The following ZNF385D variants were observed in gnomAD, a reference collection of about 807,000 sequenced individuals.
ZNF385D encodes the protein zinc finger protein 385D, also known as zinc finger protein 659.
In ZNF385D, 15 loss-of-function variants were observed where a neutral mutation model predicts 35.8. The observed-to-expected ratio is 0.42, with a 90% CI of 0.28 to 0.64. The LOEUF (loss-of-function observed/expected upper bound fraction) is 0.64. ZNF385D is among the 30% of genes least tolerant of loss of function. The probability of loss-of-function intolerance (pLI) is 0.23; values close to 1 mark genes in which losing one functional copy is unlikely to be tolerated. For synonymous variants in ZNF385D, 212 were observed against 186.8 expected (o/e 1.13, Z -1.10); for missense variants, 474 against 494.6 (o/e 0.96, Z 0.39).
chr3:22,306,656 A>C lies in ZNF385D; in HGVS notation c.106+65794T>G, dbSNP rs142721807. Reference sequence around the variant, plus strand: ...TTTGAATGAGAGGGAAATACTCGCTATGTTTCTTCTTCTGATATGGCTGCA... The same window carrying C: ...TTTGAATGAGAGGGAAATACTCGCTCTGTTTCTTCTTCTGATATGGCTGCA... On this transcript the variant is annotated intron_variant, in intron 2 of 5. Coordinates refer to the ZNF385D transcript ENST00000494108. 1.8e-3 allele frequency among the ~76,000 whole-genome samples: 275 copies of C among 152,198 alleles called. 1 individual carries two copies. Among genetic ancestry groups the C allele is most frequent in the African/African-American group, 5.5e-3 (227 of 41,544 alleles).
At chr3:22,181,550 T>C (rs1251319734) in intron 2 of ZNF385D, among the ~76,000 whole-genome samples, 1 of 151,896 alleles carries the variant, frequency 6.6e-6, no homozygotes, top group Non-Finnish European at 1.5e-5. Flanking sequence ...CACACAAAAT[T>C]AGCCGGTCGC....
At chr3:21,618,404 G>A (rs2064909612) in intron 2 of ZNF385D, among the ~76,000 whole-genome samples, 1 of 152,208 alleles carries the variant, frequency 6.6e-6, no homozygotes, top group Non-Finnish European at 1.5e-5. Flanking sequence ...AAAGCCTTCA[G>A]AAGGAGCCAG....
chr3:21,515,345 T>C (rs947283761), intron 3 of ZNF385D, among the ~76,000 whole-genome samples: 3 of 152,238 alleles, frequency 2.0e-5, no homozygotes, highest in East Asian at 3.8e-4. Flanking sequence ...ACATGTCTTA[T>C]GCTTTTTAAA....
At chr3:21,729,344 G>A (rs2068895876) in intron 1 of ZNF385D, among the ~76,000 whole-genome samples, 1 of 151,972 alleles carries the variant, frequency 6.6e-6, no homozygotes, top group Non-Finnish European at 1.5e-5. Flanking sequence ...TGGCTAAAAG[G>A]CCCTCATTCA....
At chr3:22,073,622 G>C (rs1224142706) in intron 3 of ZNF385D, among the ~76,000 whole-genome samples, 10 of 151,770 alleles carry the variant, frequency 6.6e-5, no homozygotes, top group Non-Finnish European at 1.5e-5. Flanking sequence ...AATAATTTAG[G>C]CTTTTTATTT....
At chr3:22,311,819 A>G (rs1703568629) in intron 2 of ZNF385D, among the ~76,000 whole-genome samples, 1 of 152,116 alleles carries the variant, frequency 6.6e-6, no homozygotes, top group Non-Finnish European at 1.5e-5. Flanking sequence ...AATTTTTACT[A>G]TTATGAACTC....
chr3:22,106,986 T>A (rs1702248000), intron 3 of ZNF385D, among the ~76,000 whole-genome samples: 1 of 151,110 alleles, frequency 6.6e-6, no homozygotes. Flanking sequence ...ATAACTGATT[T>A]AGCCAACTTA....
At chr3:21,829,842 T>C (rs1011717911) in intron 3 of ZNF385D, among the ~76,000 whole-genome samples, 2 of 151,992 alleles carry the variant, frequency 1.3e-5, no homozygotes, top group African/African-American at 4.8e-5. Flanking sequence ...TTTTAGAGTT[T>C]GGCCTGACAT....
chr3:22,070,061 A>G (rs1215894796), intron 3 of ZNF385D, among the ~76,000 whole-genome samples: 3 of 152,206 alleles, frequency 2.0e-5, no homozygotes, highest in East Asian at 1.9e-4. Context: ...GTATGCTGAC[A>G]TTGAAAATGG....
At chr3:21,826,587 C>T (rs1694646790) in intron 3 of ZNF385D, among the ~76,000 whole-genome samples, 1 of 152,004 alleles carries the variant, frequency 6.6e-6, no homozygotes, top group South Asian at 2.1e-4. Context: ...CTTTTGCCAC[C>T]GTTCACACAG....
rs142468872 is a variant in ZNF385D at position 21,944,310 on chromosome 3, C to T, written c.325+224507G>A. On this transcript the variant is annotated intron_variant, in intron 3 of 5. Transcript: ENST00000494108. ...ATTTTCTCTTGCCTTCTTGTTTTAC[C>T]AGAGGCTGTTAGGATCACACTGAGA... Among the ~76,000 whole-genome samples, 16 of 152,246 alleles carry T rather than the reference C, an allele frequency of 1.1e-4. No individual in the cohort carries two copies. In the East Asian group the frequency reaches 3.1e-3, roughly 29 times the overall value.
intron 3 of ZNF385D, among the ~76,000 whole-genome samples, chr3:21,939,771 C>T (rs1010134499): frequency 1.3e-5 from 2 of 152,034 alleles, no homozygotes; most frequent in African/African-American, 2.4e-5. Flanking sequence ...GCACTAGATT[C>T]GATAGGAGAA....
intron 4 of ZNF385D, among the ~76,000 whole-genome samples, chr3:21,497,406 A>C (rs1340417116): frequency 6.6e-6 from 1 of 152,222 alleles, no homozygotes; most frequent in African/African-American, 2.4e-5. Context: ...TGAGACAAAC[A>C]AATGAAAAAA....
chr3:22,273,880 T>G (rs1701297476), intron 2 of ZNF385D, among the ~76,000 whole-genome samples: 1 of 151,914 alleles, frequency 6.6e-6, no homozygotes, highest in African/African-American at 2.4e-5. Context: ...CAAAAAGGTG[T>G]GCTATATATG....
At chr3:22,255,831 T>C (rs1330264089) in intron 2 of ZNF385D, among the ~76,000 whole-genome samples, 2 of 151,436 alleles carry the variant, frequency 1.3e-5, no homozygotes, top group Admixed American at 6.6e-5. Context: ...TCCTTACTAA[T>C]TGTGATGGTT....
chr3:21,542,824 T>G (rs1388515225), intron 3 of ZNF385D: 1 of 152,200 alleles, frequency 6.6e-6, no homozygotes, highest in Non-Finnish European at 1.5e-5. Context: ...CTTGTTTCCC[T>G]TTTTTTCTTC....
chr3:21,730,941 C>G (rs2068968549), intron 1 of ZNF385D, among the ~76,000 whole-genome samples: 1 of 152,148 alleles, frequency 6.6e-6, no homozygotes. Flanking sequence ...CTGAGGCTCA[C>G]TTTTGTTGTT....
At chr3:22,004,404 A>G (rs929595315) in intron 3 of ZNF385D, among the ~76,000 whole-genome samples, 2 of 152,180 alleles carry the variant, frequency 1.3e-5, no homozygotes, top group Non-Finnish European at 2.9e-5. Flanking sequence ...TCAAAAGCAC[A>G]AGCAACAAAA....
rs191202193 is a variant in ZNF385D at position 22,240,175 on chromosome 3, C to G, written c.107-71140G>C. Among the ~76,000 whole-genome samples the G allele has an allele frequency of 3.1e-3, 339 of 110,822 alleles. 12 individuals carry two copies. Among genetic ancestry groups the G allele is most frequent in the African/African-American group, 0.014 (331 of 24,130 alleles). 72.7% of individuals were successfully genotyped at this position (110,822 alleles called of 152,430 possible). A position where few individuals can be genotyped will look rare whatever the true frequency, so the allele number is the denominator to read the frequency against. On this transcript the variant is annotated intron_variant, in intron 2 of 5. Transcript: ENST00000494108. ...TCCAGCCTAGGTGACAAAGCGAGAC[C>G]CTGTCTCCAAAAAAAAAAAAAAAAA...
Sources: gnomAD v4.1 joint callset for allele counts (sites outside exome capture counted in the v4.1 genomes callset) on GRCh38, gnomAD v4.1.1 for gene constraint, MANE v1.5 for transcripts, NCBI Gene and HGNC (gene_info 2026-07-23, HGNC 2026-07-21) for gene names.